Variants in MAGI1 observed in about 807,000 individuals in gnomAD.
MAGI1 encodes membrane associated guanylate kinase, WW and PDZ domain containing 1.
MAGI1 carries 58 observed loss-of-function variants against 139.9 expected under a neutral mutation model. That is an observed-to-expected ratio of 0.41 (90% CI 0.34 to 0.52). MAGI1 has a LOEUF of 0.52. MAGI1 is among the 20% of genes least tolerant of loss of function. The pLI, the probability that MAGI1 is intolerant of heterozygous loss-of-function variation, is 0.12. For missense variants in MAGI1, 1,874 were observed against 1,901.6 expected (o/e 0.99, Z 0.27); for synonymous variants, 812 against 737.9 (o/e 1.10, Z -1.63).
intron 1 of MAGI1, among the ~76,000 whole-genome samples, chr3:65,753,918 T>C (rs1158133648): frequency 3.9e-5 from 6 of 152,058 alleles, no homozygotes; most frequent in South Asian, 2.1e-4. Flanking sequence ...TTTCGGATCA[T>C]AGGCATGGGA....
chr3:65,791,206 G>A (rs1170160774), intron 1 of MAGI1, among the ~76,000 whole-genome samples: 2 of 152,170 alleles, frequency 1.3e-5, no homozygotes, highest in Non-Finnish European at 2.9e-5. Context: ...TTCGCTCCAA[G>A]CCAATGACTG....
At chr3:65,816,292 A>C (rs894509564) in intron 1 of MAGI1, among the ~76,000 whole-genome samples, 31 of 152,208 alleles carry the variant, frequency 2.0e-4, no homozygotes, top group African/African-American at 7.5e-4. Context: ...CAAAAAAAAA[A>C]CACTTTCAGT....
chr3:65,386,647 A>G (rs1420404052), intron 14 of MAGI1, among the ~76,000 whole-genome samples: 1 of 152,194 alleles, frequency 6.6e-6, no homozygotes, highest in Non-Finnish European at 1.5e-5. Flanking sequence ...GGCAGATTTT[A>G]TTAGAATTAA....
chr3:65,950,635 A>G (rs2063790869), intron 1 of MAGI1, among the ~76,000 whole-genome samples: 1 of 152,100 alleles, frequency 6.6e-6, no homozygotes, highest in Admixed American at 6.6e-5. Flanking sequence ...TGCTCAAAGG[A>G]AAAAAAATTA....
chr3:65,981,827 G>A (rs574890689), intron 1 of MAGI1, among the ~76,000 whole-genome samples: 4 of 152,008 alleles, frequency 2.6e-5, no homozygotes, highest in Non-Finnish European at 5.9e-5. Context: ...TGAGTGTGCC[G>A]CCTCCCCAGC....
At chr3:65,835,015 T>C (rs1305079380) in intron 1 of MAGI1, among the ~76,000 whole-genome samples, 1 of 152,208 alleles carries the variant, frequency 6.6e-6, no homozygotes, top group African/African-American at 2.4e-5. Flanking sequence ...TATAGCTGGG[T>C]CATGTTTTAG....
chr3:65,979,311 T>C (rs1438564501), intron 1 of MAGI1, among the ~76,000 whole-genome samples: 1 of 152,140 alleles, frequency 6.6e-6, no homozygotes, highest in Non-Finnish European at 1.5e-5. Context: ...AAAAGTAGCC[T>C]GTTGCTTAAT....
chr3:65,590,605 C>T (rs2081924361), intron 2 of MAGI1, among the ~76,000 whole-genome samples: 1 of 152,182 alleles, frequency 6.6e-6, no homozygotes, highest in African/African-American at 2.4e-5. Flanking sequence ...TGCTACTTAG[C>T]TGTCCCCCCC....
At chr3:65,730,371 G>A (rs1437244227) in intron 1 of MAGI1, among the ~76,000 whole-genome samples, 4 of 152,176 alleles carry the variant, frequency 2.6e-5, no homozygotes, top group African/African-American at 4.8e-5. Flanking sequence ...TTCACAAGAT[G>A]CTACTACCTT....
intron 1 of MAGI1, among the ~76,000 whole-genome samples, chr3:65,627,025 AAC>A (rs772069453): frequency 9.2e-5 from 14 of 152,238 alleles, no homozygotes; most frequent in Non-Finnish European, 2.1e-4. Flanking sequence ...ATAGGTCAGA[AAC>A]ACAGTCATAC....
chr3:65,574,470 G>C (rs2081093573), intron 2 of MAGI1, among the ~76,000 whole-genome samples: 1 of 148,504 alleles, frequency 6.7e-6, no homozygotes, highest in Admixed American at 6.7e-5. Context: ...AAAATGTACT[G>C]AGAGAAATTT....
intron 1 of MAGI1, among the ~76,000 whole-genome samples, chr3:65,753,922 C>A (rs1471526855): frequency 6.6e-6 from 1 of 152,082 alleles, no homozygotes; most frequent in Non-Finnish European, 1.5e-5. Flanking sequence ...GGATCATAGG[C>A]ATGGGAAAGG....
intron 1 of MAGI1, among the ~76,000 whole-genome samples, chr3:65,732,128 T>C (rs1263876547): frequency 6.6e-6 from 1 of 152,336 alleles, no homozygotes; most frequent in East Asian, 1.9e-4. Flanking sequence ...GAATTCAGTC[T>C]CTGCATAAAG....
intron 1 of MAGI1, among the ~76,000 whole-genome samples, chr3:65,995,633 A>G (rs1226523849): frequency 6.6e-6 from 1 of 152,170 alleles, no homozygotes; most frequent in Non-Finnish European, 1.5e-5. Flanking sequence ...GGAAGGAGAG[A>G]AAATGACAGA....
intron 1 of MAGI1, among the ~76,000 whole-genome samples, chr3:65,932,085 T>C (rs2106739541): frequency 6.6e-6 from 1 of 152,338 alleles, no homozygotes; most frequent in African/African-American, 2.4e-5. Flanking sequence ...CTAATGTTTG[T>C]GGACACAAAT....
intron 1 of MAGI1, among the ~76,000 whole-genome samples, chr3:65,782,011 T>A (rs1055460574): frequency 1.3e-5 from 2 of 152,232 alleles, no homozygotes; most frequent in African/African-American, 4.8e-5. Flanking sequence ...GGGGATGGCA[T>A]GCATTTCATG....
intron 1 of MAGI1, among the ~76,000 whole-genome samples, chr3:65,999,880 C>G (rs2066647039): frequency 6.6e-6 from 1 of 151,376 alleles, no homozygotes; most frequent in Non-Finnish European, 1.5e-5. Flanking sequence ...CTTACTCTAC[C>G]TAAAAGTAAA....
chr3:65,589,611 C>G (rs575188689), intron 2 of MAGI1, among the ~76,000 whole-genome samples: 3 of 151,966 alleles, frequency 2.0e-5, no homozygotes, highest in Non-Finnish European at 2.9e-5. Context: ...TTTTTTCTGT[C>G]AAGGGTCAGA....
intron 2 of MAGI1, among the ~76,000 whole-genome samples, chr3:65,546,272 G>T (rs1237320052): frequency 1.3e-5 from 2 of 151,988 alleles, no homozygotes; most frequent in Non-Finnish European, 2.9e-5. Flanking sequence ...CAAAACTCTT[G>T]CCCCCATGGA....
Sources: allele counts gnomAD v4.1 joint callset (sites outside exome capture counted in the v4.1 genomes callset), GRCh38; gene constraint gnomAD v4.1.1; transcripts MANE v1.5; gene names NCBI Gene and HGNC (gene_info 2026-07-23, HGNC 2026-07-21).